The following GPC5 variants were observed in gnomAD, a reference collection of about 807,000 sequenced individuals.
The protein encoded by GPC5 is glypican-5.
A neutral mutation model predicts 53.9 loss-of-function variants in GPC5; 47 were observed. That is an observed-to-expected ratio of 0.87 (90% confidence interval 0.69 to 1.11). The LOEUF is 1.11. Among genes scored for constraint, GPC5 ranks in the 50% most tolerant of loss-of-function variants. The pLI is 0.00. For missense variants in GPC5, 748 were observed against 713.1 expected, an observed-to-expected ratio of 1.05 and a Z score of -0.56; for synonymous variants, 286 against 263.3, an observed-to-expected ratio of 1.09 and a Z score of -0.84.
intron 6 of GPC5, among the ~76,000 whole-genome samples, chr13:91,909,801 T>G (rs1376783738): frequency 2.6e-5 from 4 of 152,120 alleles, no homozygotes; most frequent in Non-Finnish European, 4.4e-5. Context: ...AGGGTTCACA[T>G]ATTTATTGCC....
chr13:92,758,682 C>A (rs888823823), intron 7 of GPC5, among the ~76,000 whole-genome samples: 2 of 152,080 alleles, frequency 1.3e-5, no homozygotes, highest in African/African-American at 4.8e-5. Context: ...AAAATAATCC[C>A]ATTTCTCTTC....
At chr13:92,462,045 G>A (rs927562633) in intron 7 of GPC5, among the ~76,000 whole-genome samples, 1 of 152,178 alleles carries the variant, frequency 6.6e-6, no homozygotes, top group Non-Finnish European at 1.5e-5. Flanking sequence ...TGACTATCAG[G>A]AAACTCTACC....
intron 7 of GPC5, among the ~76,000 whole-genome samples, chr13:92,762,911 T>G (rs1406477452): frequency 6.6e-6 from 1 of 152,052 alleles, no homozygotes; most frequent in Admixed American, 6.5e-5. Flanking sequence ...GTGTTTTATT[T>G]TTATTTCATT....
At chr13:91,594,051 A>G (rs115387849) in intron 2 of GPC5, among the ~76,000 whole-genome samples, 73 of 152,306 alleles carry the variant, frequency 4.8e-4, no homozygotes, top group African/African-American at 1.7e-3. Context: ...GGAATGACCA[A>G]TAATTTATTA....
chr13:91,829,641 C>G (rs1346404773), intron 5 of GPC5, among the ~76,000 whole-genome samples: 1 of 151,792 alleles, frequency 6.6e-6, no homozygotes, highest in Admixed American at 6.6e-5. Flanking sequence ...GGGAACCTGC[C>G]CTGATAGTCA....
chr13:92,638,729 G>A (rs1161457345), intron 7 of GPC5, among the ~76,000 whole-genome samples: 1 of 152,080 alleles, frequency 6.6e-6, no homozygotes, highest in Non-Finnish European at 1.5e-5. Context: ...TTTATCAGGG[G>A]CCACCACTCT....
chr13:92,626,393 T>C (rs1885046109), intron 7 of GPC5, among the ~76,000 whole-genome samples: 1 of 151,976 alleles, frequency 6.6e-6, no homozygotes, highest in African/African-American at 2.4e-5. Flanking sequence ...ACGAACACAG[T>C]CTAGAGGTGA....
chr13:92,439,619 T>A (rs1877466169), intron 7 of GPC5, among the ~76,000 whole-genome samples: 3 of 152,052 alleles, frequency 2.0e-5, no homozygotes, highest in Non-Finnish European at 4.4e-5. Flanking sequence ...TAGTCCTGTA[T>A]CACTGGATGA....
intron 2 of GPC5, among the ~76,000 whole-genome samples, chr13:91,531,454 T>C (rs939890700): frequency 6.6e-6 from 1 of 152,224 alleles, no homozygotes; most frequent in Admixed American, 6.5e-5. Flanking sequence ...ATAAAATCCC[T>C]AACTCTCTTT....
chr13:92,351,429 A>C (rs1047414556), intron 7 of GPC5, among the ~76,000 whole-genome samples: 10 of 151,946 alleles, frequency 6.6e-5, no homozygotes, highest in Non-Finnish European at 1.3e-4. Flanking sequence ...ATTGGAAGCA[A>C]TATTTTTAAA....
At chr13:92,622,109 C>T (rs1884894637) in intron 7 of GPC5, among the ~76,000 whole-genome samples, 1 of 152,140 alleles carries the variant, frequency 6.6e-6, no homozygotes, top group African/African-American at 2.4e-5. Flanking sequence ...GCTTCCAGCC[C>T]TCTGGCTCTG....
intron 7 of GPC5, among the ~76,000 whole-genome samples, chr13:92,673,898 G>A (rs1335514034): frequency 6.6e-6 from 1 of 151,956 alleles, no homozygotes; most frequent in Non-Finnish European, 1.5e-5. Context: ...TGGAATGAAG[G>A]AACTACTTAT....
intron 7 of GPC5, among the ~76,000 whole-genome samples, chr13:92,767,114 A>C (rs1394612917): frequency 6.6e-6 from 1 of 152,194 alleles, no homozygotes; most frequent in Non-Finnish European, 1.5e-5. Flanking sequence ...TGGGAGAAAG[A>C]AGCAGTGAGG....
intron 6 of GPC5, among the ~76,000 whole-genome samples, chr13:92,038,360 A>T (rs1343842700): frequency 2.7e-5 from 1 of 37,438 alleles, no homozygotes; most frequent in Non-Finnish European, 7.7e-5. Context: ...AGATAGATAG[A>T]TAGATAGATA....
intron 7 of GPC5, among the ~76,000 whole-genome samples, chr13:92,767,076 C>T (rs1335876669): frequency 6.6e-6 from 1 of 152,154 alleles, no homozygotes; most frequent in Non-Finnish European, 1.5e-5. Flanking sequence ...AATCAAGGTC[C>T]TTGGAATGAG....
intron 7 of GPC5, among the ~76,000 whole-genome samples, chr13:92,206,491 G>A (rs948398013): frequency 6.6e-6 from 1 of 151,778 alleles, no homozygotes; most frequent in African/African-American, 2.4e-5. Flanking sequence ...CGGCTGTCAT[G>A]CCATGTATTT....
chr13:91,584,823 G>C (rs1361122098), intron 2 of GPC5, among the ~76,000 whole-genome samples: 1 of 152,018 alleles, frequency 6.6e-6, no homozygotes, highest in Admixed American at 6.5e-5. Flanking sequence ...TAGGTGATCT[G>C]CCCGCCCGGT....
intron 2 of GPC5, among the ~76,000 whole-genome samples, chr13:91,453,641 A>G (rs1472035651): frequency 1.3e-5 from 2 of 151,402 alleles, no homozygotes; most frequent in Non-Finnish European, 2.9e-5. Context: ...TGTTGGGGAG[A>G]CTTATTTCTA....
intron 2 of GPC5, among the ~76,000 whole-genome samples, chr13:91,506,972 G>GC (rs1453809097): frequency 2.6e-5 from 4 of 152,046 alleles, no homozygotes; most frequent in Non-Finnish European, 4.4e-5. Flanking sequence ...AAGTCCCAAT[G>GC]CCCCAAAGTA....
Sources: allele counts gnomAD v4.1 joint callset (sites outside exome capture counted in the v4.1 genomes callset), GRCh38; gene constraint gnomAD v4.1.1; transcripts MANE v1.5; gene names NCBI Gene and HGNC (gene_info 2026-07-23, HGNC 2026-07-21).